Variants in CFAP300 observed in about 807,000 individuals in gnomAD.
CFAP300 encodes cilia- and flagella-associated protein 300.
CFAP300 carries 32 observed loss-of-function variants against 33.0 expected under a neutral mutation model. The observed-to-expected ratio is 0.97, with a 90% CI of 0.73 to 1.30. The LOEUF (loss-of-function observed/expected upper bound fraction) is 1.30. Ranked by LOEUF, CFAP300 falls within the 50% of genes most tolerant of loss-of-function variation. CFAP300 has a pLI of 0.00. For synonymous variants in CFAP300, 102 were observed against 106.8 expected (o/e 0.95, Z 0.28); for missense variants, 356 against 318.1 (o/e 1.12, Z -0.90).
chr11:102,066,224 C>T (rs942006975), intron 3 of CFAP300, among the ~76,000 whole-genome samples: 1 of 152,116 alleles, frequency 6.6e-6, no homozygotes, highest in African/African-American at 2.4e-5. Context: ...ATCCACCCTC[C>T]TTTGCTTCCA....
intron 6 of CFAP300, among the ~76,000 whole-genome samples, chr11:102,082,040 T>G (rs946371678): frequency 3.9e-5 from 6 of 152,128 alleles, no homozygotes; most frequent in Non-Finnish European, 8.8e-5. Flanking sequence ...ATTAAATATA[T>G]ACTGTGTATC....
chr11:102,060,993 T>C (rs1425667632), intron 3 of CFAP300, among the ~76,000 whole-genome samples: 1 of 152,202 alleles, frequency 6.6e-6, no homozygotes, highest in African/African-American at 2.4e-5. Context: ...TTAGAAAACA[T>C]GTTTACAGTA....
intron 4 of CFAP300, among the ~76,000 whole-genome samples, chr11:102,069,041 T>G (rs920827586): frequency 6.6e-6 from 1 of 152,196 alleles, no homozygotes; most frequent in African/African-American, 2.4e-5. Context: ...AGTGGACATT[T>G]TTTTTAAAAA....
chr11:102,080,248 C>T (rs1942454655), intron 5 of CFAP300, among the ~76,000 whole-genome samples: 1 of 152,020 alleles, frequency 6.6e-6, no homozygotes, highest in African/African-American at 2.4e-5. Context: ...ATGTCTGTAG[C>T]TTATTTTCTC....
At chr11:102,071,090 AT>A (rs1456851830) in intron 4 of CFAP300, among the ~76,000 whole-genome samples, 1 of 151,950 alleles carries the variant, frequency 6.6e-6, no homozygotes, top group Non-Finnish European at 1.5e-5. Flanking sequence ...TTCTTTATTA[AT>A]TTTCTGTCTA....
At chr11:102,079,526 G>C (rs1232204039) in intron 5 of CFAP300, among the ~76,000 whole-genome samples, 1 of 152,106 alleles carries the variant, frequency 6.6e-6, no homozygotes, top group Non-Finnish European at 1.5e-5. Context: ...ACCCTGAAAT[G>C]GCTATGGCTG....
At chr11:102,053,230 A>G (rs901483038) in intron 2 of CFAP300, among the ~76,000 whole-genome samples, 12 of 151,418 alleles carry the variant, frequency 7.9e-5, no homozygotes, top group Non-Finnish European at 1.2e-4. Flanking sequence ...CTCCTTCTCA[A>G]AAAAAAATAA....
intron 6 of CFAP300, among the ~76,000 whole-genome samples, chr11:102,082,572 G>A (rs189623574): frequency 6.6e-6 from 1 of 152,200 alleles, no homozygotes; most frequent in African/African-American, 2.4e-5. Flanking sequence ...AGACTGTGCT[G>A]TCCATAAATA....
chr11:102,079,738 C>T (rs1942447642), intron 5 of CFAP300, among the ~76,000 whole-genome samples: 1 of 152,160 alleles, frequency 6.6e-6, no homozygotes, highest in Non-Finnish European at 1.5e-5. Flanking sequence ...ACATGTCACA[C>T]ATTAATAATA....
At chr11:102,075,842 T>G (rs541304615) in intron 4 of CFAP300, 31 bp from the exon 5 acceptor site, 1 of 1,511,450 alleles carries the variant, frequency 6.6e-7, no homozygotes, top group Non-Finnish European at 9.0e-7. Flanking sequence ...TCTTGAGTTA[T>G]GTTACATTAA....
chr11:102,059,085 C>A, intron 3 of CFAP300, 130 bp downstream of exon 3: 2 of 562,386 alleles, frequency 3.6e-6, no homozygotes, highest in Non-Finnish European at 3.1e-6. Context: ...CAAATATGAC[C>A]AGCTGTGCCA....
intron 3 of CFAP300, among the ~76,000 whole-genome samples, chr11:102,065,972 T>G (rs1418942472): frequency 2.7e-5 from 1 of 37,180 alleles, no homozygotes; most frequent in East Asian, 3.0e-3. Flanking sequence ...TGTTATAAAC[T>G]TTTTTTTTTT....
Position 102,083,174 on chromosome 11 carries a change from GT to G in CFAP300, c.781del (p.Tyr261MetfsTer32). The G allele has an allele frequency of 6.5e-7, 1 of 1,536,746 alleles. No individual in the cohort carries two copies. Among genetic ancestry groups the G allele is most frequent in the South Asian group, 1.3e-5 (1 of 76,990 alleles). The stretch of plus-strand genomic sequence containing the variant: ...CGTCACCTTCATGTTTTATACCACT[GT>G]TATGGTGTGGGAGACATGTCTTAAT... The part of the protein sequence containing the change: ...IRRHLHVLYH[C>X]YGVGDMS On this transcript the variant is annotated frameshift_variant, in exon 7 of 7. Coordinates refer to ENST00000434758, the MANE Select transcript of CFAP300 (RefSeq NM_032930.3). LOFTEE classifies it high-confidence loss of function.
chr11:102,073,632 C>T (rs1423254911), intron 4 of CFAP300, among the ~76,000 whole-genome samples: 1 of 152,128 alleles, frequency 6.6e-6, no homozygotes, highest in Non-Finnish European at 1.5e-5. Flanking sequence ...GAGCTGTGGC[C>T]CTGCTGCATG....
chr11:102,051,296 A>T (rs1208245761), intron 2 of CFAP300, among the ~76,000 whole-genome samples: 1 of 152,204 alleles, frequency 6.6e-6, no homozygotes, highest in East Asian at 1.9e-4. Flanking sequence ...TAGTGTTGAC[A>T]TCTTCACCAT....
At chr11:102,063,158 G>A (rs946234580) in intron 3 of CFAP300, among the ~76,000 whole-genome samples, 4 of 152,168 alleles carry the variant, frequency 2.6e-5, no homozygotes, top group East Asian at 3.9e-4. Flanking sequence ...TGGGCCACCC[G>A]GAGCCTTCAG....
chr11:102,070,735 A>G (rs1432125588), intron 4 of CFAP300, among the ~76,000 whole-genome samples: 1 of 152,068 alleles, frequency 6.6e-6, no homozygotes, highest in African/African-American at 2.4e-5. Context: ...AGGCATGGGT[A>G]TATTATATTT....
chr11:102,075,237 G>A (rs569691803), intron 4 of CFAP300, among the ~76,000 whole-genome samples: 2 of 143,196 alleles, frequency 1.4e-5, no homozygotes, highest in South Asian at 2.1e-4. Flanking sequence ...TTTCCCAATG[G>A]CATAAGAAAA....
chr11:102,055,780 C>T (rs1008393443), intron 2 of CFAP300, among the ~76,000 whole-genome samples: 20 of 148,404 alleles, frequency 1.3e-4, no homozygotes, highest in African/African-American at 5.0e-4. Context: ...TCACTCCATT[C>T]TCCTGCCTCA....
Sources: gnomAD v4.1 joint callset for allele counts (sites outside exome capture counted in the v4.1 genomes callset) on GRCh38, gnomAD v4.1.1 for gene constraint, MANE v1.5 for transcripts, NCBI Gene and HGNC (gene_info 2026-07-23, HGNC 2026-07-21) for gene names.